The following CDYL2 variants were observed in gnomAD, a reference collection of about 807,000 sequenced individuals.
CDYL2 encodes the protein chromodomain Y-like protein 2.
In CDYL2, 23 loss-of-function variants were observed where a neutral mutation model predicts 49.4. The observed-to-expected ratio is 0.47, with a 90% CI of 0.34 to 0.66. The LOEUF (loss-of-function observed/expected upper bound fraction) is 0.66, where lower values mean the gene tolerates loss of function less well. CDYL2 is among the 30% of genes least tolerant of loss of function. The pLI is 0.01. For synonymous variants in CDYL2, 360 were observed against 268.8 expected, an observed-to-expected ratio of 1.34 and a Z score of -3.32; for missense variants, 678 against 656.4, an observed-to-expected ratio of 1.03 and a Z score of -0.36.
intron 1 of CDYL2, among the ~76,000 whole-genome samples, chr16:80,776,698 T>C (rs986406025): frequency 1.3e-5 from 2 of 151,628 alleles, no homozygotes; most frequent in Admixed American, 6.6e-5. Flanking sequence ...AAAAGCATAA[T>C]GTAGAGTAAA....
At chr16:80,619,439 A>C (rs1468460834) in intron 4 of CDYL2, among the ~76,000 whole-genome samples, 1 of 152,236 alleles carries the variant, frequency 6.6e-6, no homozygotes, top group African/African-American at 2.4e-5. Flanking sequence ...CTGGAAATCC[A>C]GCTAACACCT....
intron 1 of CDYL2, among the ~76,000 whole-genome samples, chr16:80,689,614 G>C (rs879920006): frequency 1.3e-5 from 2 of 152,190 alleles, no homozygotes; most frequent in African/African-American, 4.8e-5. Context: ...GCCAAGCAAA[G>C]CATGAACCAT....
chr16:80,647,349 A>C (rs1244467948), intron 2 of CDYL2, among the ~76,000 whole-genome samples: 1 of 152,190 alleles, frequency 6.6e-6, no homozygotes, highest in African/African-American at 2.4e-5. Context: ...ACAGAAATAG[A>C]AAAAAACAAA....
At chr16:80,796,531 C>A (rs765549391) in intron 1 of CDYL2, among the ~76,000 whole-genome samples, 7 of 152,168 alleles carry the variant, frequency 4.6e-5, no homozygotes, top group Non-Finnish European at 8.8e-5. Flanking sequence ...GTATGTTCTA[C>A]TTTTTTCTCC....
chr16:80,609,826 G>C (rs1468279391), intron 5 of CDYL2, among the ~76,000 whole-genome samples: 1 of 152,158 alleles, frequency 6.6e-6, no homozygotes, highest in Non-Finnish European at 1.5e-5. Context: ...CTTGGGTGGA[G>C]GTAGGGTGTC....
chr16:80,763,247 C>T (rs574846857), intron 1 of CDYL2, among the ~76,000 whole-genome samples: 1 of 5,816 alleles, frequency 1.7e-4, no homozygotes, highest in South Asian at 3.7e-3. Context: ...ATGAGAACCA[C>T]AAGTAACGAG....
intron 4 of CDYL2, among the ~76,000 whole-genome samples, chr16:80,617,392 G>A (rs1371794866): frequency 6.6e-6 from 1 of 152,234 alleles, no homozygotes; most frequent in Admixed American, 6.5e-5. Context: ...TCTTTCACAA[G>A]AGACTTCTTG....
At chr16:80,653,888 G>A (rs1908691893) in intron 2 of CDYL2, among the ~76,000 whole-genome samples, 1 of 152,176 alleles carries the variant, frequency 6.6e-6, no homozygotes, top group Non-Finnish European at 1.5e-5. Flanking sequence ...CTGCTCCAGG[G>A]TCCAGGCTTT....
At chr16:80,798,831 G>A (rs115217287) in intron 1 of CDYL2, among the ~76,000 whole-genome samples, 2,398 of 151,968 alleles carry the variant, frequency 0.016, 59 homozygotes, top group African/African-American at 0.055. Context: ...ACATAATTGT[G>A]TTTATGGATG....
At chr16:80,662,825 T>C (rs1909102370) in intron 2 of CDYL2, 1 of 449,460 alleles carries the variant, frequency 2.2e-6, no homozygotes, top group Non-Finnish European at 4.5e-6. Flanking sequence ...CTTCCACATC[T>C]TGACAAGGAT....
At chr16:80,608,952 T>G (rs1362413701) in intron 5 of CDYL2, among the ~76,000 whole-genome samples, 1 of 152,128 alleles carries the variant, frequency 6.6e-6, no homozygotes, top group African/African-American at 2.4e-5. Flanking sequence ...AGCACTTCCA[T>G]CACTGGCAGC....
intron 1 of CDYL2, among the ~76,000 whole-genome samples, chr16:80,712,089 G>GTA (rs1255096295): frequency 1.0e-4 from 15 of 147,372 alleles, no homozygotes; most frequent in African/African-American, 3.6e-4. Context: ...AGATGTGTGT[G>GTA]TATATATATG....
At chr16:80,608,027 T>G in intron 6 of CDYL2, 65 bp downstream of exon 6, 1 of 1,490,650 alleles carries the variant, frequency 6.7e-7, no homozygotes, top group Non-Finnish European at 9.0e-7. Context: ...CTCTGAGCCT[T>G]GCTGTCTTCA....
chr16:80,680,999 C>G (rs922067985), intron 2 of CDYL2, among the ~76,000 whole-genome samples: 6 of 151,864 alleles, frequency 4.0e-5, no homozygotes, highest in African/African-American at 1.5e-4. Context: ...AACTGCTGCA[C>G]ACGCCCCACA....
chr16:80,760,269 T>C (rs1906480237), intron 1 of CDYL2, among the ~76,000 whole-genome samples: 1 of 152,176 alleles, frequency 6.6e-6, no homozygotes, highest in Non-Finnish European at 1.5e-5. Flanking sequence ...TTGAGAAAGT[T>C]CACTGCCTCT....
chr16:80,619,001 A>G (rs1203033228), intron 4 of CDYL2, among the ~76,000 whole-genome samples: 1 of 152,120 alleles, frequency 6.6e-6, no homozygotes, highest in Non-Finnish European at 1.5e-5. Flanking sequence ...TCCAAACTCA[A>G]GGTGTTGGCA....
chr16:80,618,392 C>T (rs146891513), intron 4 of CDYL2, among the ~76,000 whole-genome samples: 202 of 152,272 alleles, frequency 1.3e-3, no homozygotes, highest in Non-Finnish European at 2.0e-3. Flanking sequence ...CGCAGCAGAC[C>T]CCAATGGGTA....
intron 6 of CDYL2, among the ~76,000 whole-genome samples, chr16:80,606,733 C>G (rs1272790917): frequency 2.0e-5 from 3 of 152,136 alleles, no homozygotes; most frequent in Admixed American, 6.5e-5. Flanking sequence ...TGGGAGGGAC[C>G]CTGTGGGAGA....
At chr16:80,645,099 A>T (rs1908276562) in intron 2 of CDYL2, among the ~76,000 whole-genome samples, 1 of 152,222 alleles carries the variant, frequency 6.6e-6, no homozygotes, top group African/African-American at 2.4e-5. Flanking sequence ...CATGTCTAAA[A>T]CACCAAAAGC....
Sources: allele counts gnomAD v4.1 joint callset (sites outside exome capture counted in the v4.1 genomes callset), GRCh38; gene constraint gnomAD v4.1.1; transcripts MANE v1.5; gene names NCBI Gene and HGNC (gene_info 2026-07-23, HGNC 2026-07-21).